The following DOK6 variants were observed in gnomAD, a reference collection of about 807,000 sequenced individuals.
DOK6 encodes the protein docking protein 6.
In DOK6, 22 loss-of-function variants were observed where a neutral mutation model predicts 44.0. The ratio of observed to expected loss-of-function variants is 0.50; its 90% CI spans 0.36 to 0.71. The LOEUF is 0.71. Among genes scored for constraint, DOK6 ranks in the 30% least tolerant of loss-of-function variants. The pLI, the probability that DOK6 is intolerant of heterozygous loss-of-function variation, is 0.00. For missense variants in DOK6, 340 were observed against 416.4 expected (o/e 0.82, Z 1.60); for synonymous variants, 166 against 145.5 (o/e 1.14, Z -1.01).
chr18:69,785,820 G>C (rs980926789), intron 7 of DOK6, among the ~76,000 whole-genome samples: 11 of 151,962 alleles, frequency 7.2e-5, no homozygotes, highest in African/African-American at 2.2e-4. Flanking sequence ...ATAATACTTT[G>C]TGGAAAGTCT....
chr18:69,841,654 T>C lies in DOK6; in HGVS notation c.*271T>C, dbSNP rs1461161192. On this transcript the variant is annotated 3_prime_UTR_variant, in exon 8 of 8. Coordinates refer to ENST00000382713, the MANE Select transcript of DOK6 (RefSeq NM_152721.6). Reference sequence around the variant, plus strand: ...AGTTATTTAAATAAACAAAATTCTTTGGGTCTGACAGTAACAGAAACCTCA... The same window carrying C: ...AGTTATTTAAATAAACAAAATTCTTCGGGTCTGACAGTAACAGAAACCTCA... 7.9e-6 allele frequency: 3 copies of C among 380,180 alleles called. No homozygotes were observed. The highest frequency in any genetic ancestry group is 6.0e-5 in the African/African-American group (3 of 49,662). 23.6% of individuals were successfully genotyped at this position (380,180 alleles called of 1,614,324 possible).
chr18:69,736,674 C>A (rs1178835384), intron 5 of DOK6, among the ~76,000 whole-genome samples: 1 of 152,132 alleles, frequency 6.6e-6, no homozygotes, highest in Non-Finnish European at 1.5e-5. Flanking sequence ...TTTAGCTTTT[C>A]CCAAGTTAAG....
At chr18:69,402,646 G>A (rs1361159980) in intron 1 of DOK6, among the ~76,000 whole-genome samples, 1 of 152,124 alleles carries the variant, frequency 6.6e-6, no homozygotes, top group African/African-American at 2.4e-5. Context: ...GGACAACAGG[G>A]GCCCATTCTG....
chr18:69,559,688 A>G (rs1420583983), intron 1 of DOK6, among the ~76,000 whole-genome samples: 7 of 152,138 alleles, frequency 4.6e-5, no homozygotes, highest in African/African-American at 1.7e-4. Context: ...ACAAAATTTC[A>G]TATAGCTAGT....
intron 1 of DOK6, among the ~76,000 whole-genome samples, chr18:69,492,627 G>A (rs968153247): frequency 6.6e-6 from 1 of 151,860 alleles, no homozygotes; most frequent in African/African-American, 2.4e-5. Flanking sequence ...TTGTGTCCAT[G>A]TGTAATCGAT....
At chr18:69,608,822 C>T (rs1001167657) in intron 3 of DOK6, among the ~76,000 whole-genome samples, 5 of 151,718 alleles carry the variant, frequency 3.3e-5, no homozygotes, top group African/African-American at 4.8e-5. Context: ...TGGTGGCAGG[C>T]GCCTATAATC....
At chr18:69,742,142 C>T (rs536231496) in intron 6 of DOK6, among the ~76,000 whole-genome samples, 5 of 152,158 alleles carry the variant, frequency 3.3e-5, no homozygotes, top group African/African-American at 1.2e-4. Flanking sequence ...TGGCCAGGCA[C>T]GGTGGCTCAT....
chr18:69,525,192 C>T (rs1409476981), intron 1 of DOK6, among the ~76,000 whole-genome samples: 3 of 151,676 alleles, frequency 2.0e-5, no homozygotes, highest in Non-Finnish European at 4.4e-5. Context: ...GGTAATTATA[C>T]TTCAGATTTT....
At chr18:69,671,865 C>G (rs529824678) in intron 3 of DOK6, among the ~76,000 whole-genome samples, 1 of 152,252 alleles carries the variant, frequency 6.6e-6, no homozygotes, top group East Asian at 1.9e-4. Flanking sequence ...AGGTGCAGTT[C>G]TAGGGTAAAG....
intron 2 of DOK6, among the ~76,000 whole-genome samples, chr18:69,579,689 G>A (rs1286229208): frequency 6.6e-6 from 1 of 151,778 alleles, no homozygotes; most frequent in Admixed American, 6.6e-5. Context: ...TCAGCCTCCC[G>A]AGTAGCTGGA....
chr18:69,494,947 C>T (rs1276883026), intron 1 of DOK6, among the ~76,000 whole-genome samples: 1 of 152,202 alleles, frequency 6.6e-6, no homozygotes, highest in African/African-American at 2.4e-5. Context: ...GCTCACACTA[C>T]TGGCCTGGAT....
intron 1 of DOK6, among the ~76,000 whole-genome samples, chr18:69,537,613 G>C (rs1982158205): frequency 6.6e-6 from 1 of 152,212 alleles, no homozygotes; most frequent in Non-Finnish European, 1.5e-5. Context: ...ATATTGAGGA[G>C]AGCTGGATTA....
chr18:69,777,834 A>C (rs754859573), intron 7 of DOK6: 1 of 152,112 alleles, frequency 6.6e-6, no homozygotes, highest in Non-Finnish European at 1.5e-5. Flanking sequence ...GAAAATCAAC[A>C]AAGGGAAACA....
intron 2 of DOK6, among the ~76,000 whole-genome samples, chr18:69,576,154 A>G (rs1249006779): frequency 6.6e-6 from 1 of 152,134 alleles, no homozygotes; most frequent in Non-Finnish European, 1.5e-5. Flanking sequence ...TTTATGAGAA[A>G]GGCGAGATGT....
At position 69,720,598 on chromosome 18, in the gene DOK6, A is replaced by T. The variant is rs1016299704; in HGVS notation, c.600-18367A>T. On this transcript the variant is annotated intron_variant, in intron 5 of 7. Coordinates refer to ENST00000382713, the MANE Select transcript of DOK6 (RefSeq NM_152721.6). ...AGTCTTCATCAAATTTTTTGCCACG[A>T]TTTACATGGATATAATGCTGACTCA... Among the ~76,000 whole-genome samples, 7 of 152,188 alleles carry T rather than the reference A, an allele frequency of 4.6e-5. No homozygotes were observed. The East Asian group carries it at 1.3e-3, about 29-fold the overall frequency.
chr18:69,484,722 C>T (rs1309483284), intron 1 of DOK6, among the ~76,000 whole-genome samples: 3 of 152,128 alleles, frequency 2.0e-5, no homozygotes, highest in Admixed American at 2.0e-4. Context: ...CACTGTAACT[C>T]ATGCCTGAGC....
At chr18:69,406,062 C>T (rs1419235005) in intron 1 of DOK6, among the ~76,000 whole-genome samples, 1 of 152,194 alleles carries the variant, frequency 6.6e-6, no homozygotes, top group Non-Finnish European at 1.5e-5. Flanking sequence ...ATTATTTGAA[C>T]TCTATTTGAT....
At chr18:69,711,680 A>G (rs930691741) in intron 5 of DOK6, among the ~76,000 whole-genome samples, 1 of 152,170 alleles carries the variant, frequency 6.6e-6, no homozygotes, top group Non-Finnish European at 1.5e-5. Context: ...TTGCTCATCT[A>G]TTGCCTGATG....
intron 1 of DOK6, among the ~76,000 whole-genome samples, chr18:69,497,314 AG>A (rs1980918689): frequency 6.6e-6 from 1 of 152,204 alleles, no homozygotes; most frequent in South Asian, 2.1e-4. Context: ...GAGAAGCTAA[AG>A]GGTCAGACTA....
Sources: allele counts gnomAD v4.1 joint callset (sites outside exome capture counted in the v4.1 genomes callset), GRCh38; gene constraint gnomAD v4.1.1; transcripts MANE v1.5; gene names NCBI Gene and HGNC (gene_info 2026-07-23, HGNC 2026-07-21).